ATP8A2: variants seen among roughly 807,000 people sequenced by gnomAD.
ATP8A2 encodes the protein ATPase phospholipid transporting 8A2, also known as phospholipid-transporting ATPase IB.
Under a neutral mutation model 165.6 loss-of-function variants are expected in ATP8A2, and 100 were observed. The observed-to-expected ratio is 0.60, with a 90% CI of 0.51 to 0.71. The LOEUF (loss-of-function observed/expected upper bound fraction) is 0.71. Among genes scored for constraint, ATP8A2 ranks in the 30% least tolerant of loss-of-function variants. The pLI is 0.00. For missense variants in ATP8A2, 1,227 were observed against 1,479.5 expected (o/e 0.83, Z 2.80); for synonymous variants, 543 against 548.8 (o/e 0.99, Z 0.15).
chr13:25,956,028 T>C (rs1955510773), intron 33 of ATP8A2, among the ~76,000 whole-genome samples: 1 of 152,148 alleles, frequency 6.6e-6, no homozygotes, highest in African/African-American at 2.4e-5. Flanking sequence ...AAAAACTACA[T>C]GAGTATCTCA....
At position 25,828,151 on chromosome 13, in the gene ATP8A2, C is replaced by A. The variant is rs1178411684; in HGVS notation, c.2713C>A (p.Gln905Lys). ...WFAFVNGFSG[Q>K]ILFERWCIGL... The stretch of plus-strand genomic sequence containing the variant: ...CGCCTTTGTTAATGGATTTTCTGGG[C>A]AGATTTTATTTGAACGTTGGTGCAT... Residue 905 changes from glutamine (Q) to lysine (K), a missense_variant, in exon 28 of 37, where the codon CAG (glutamine) becomes AAG (lysine). By Grantham distance (53) the Gln-to-Lys change is moderately conservative (BLOSUM62 1). Coordinates refer to ENST00000381655, the MANE Select transcript of ATP8A2 (RefSeq NM_016529.6). The A allele has an allele frequency of 1.2e-6, 2 of 1,613,974 alleles. No homozygotes were observed. The highest frequency in any genetic ancestry group is 1.7e-5 in the Admixed American group (1 of 60,000).
At chr13:25,499,276 G>T (rs2036775656) in intron 2 of ATP8A2, among the ~76,000 whole-genome samples, 1 of 152,196 alleles carries the variant, frequency 6.6e-6, no homozygotes. Context: ...AGAGGGAGAT[G>T]AGTCTTGAGT....
At chr13:26,012,429 G>T in intron 35 of ATP8A2, 102 bp from the exon 36 acceptor site, 1 of 898,502 alleles carries the variant, frequency 1.1e-6, no homozygotes, top group Non-Finnish European at 1.7e-6. Context: ...TACCCGACGT[G>T]GGGAGGTGAT....
At chr13:25,837,421 C>G in intron 29 of ATP8A2, 136 bp downstream of exon 29, 1 of 595,924 alleles carries the variant, frequency 1.7e-6, no homozygotes, top group Middle Eastern at 4.3e-4. Context: ...CTCACCCCAC[C>G]ACCACACACA....
chr13:26,013,158 A>T (rs1275496887), intron 36 of ATP8A2, among the ~76,000 whole-genome samples: 1 of 149,796 alleles, frequency 6.7e-6, no homozygotes, highest in Admixed American at 6.7e-5. Flanking sequence ...GGGGGAGCTC[A>T]TGGGCTTGTT....
chr13:25,524,055 T>TA (rs763822197), intron 2 of ATP8A2, among the ~76,000 whole-genome samples: 84 of 152,310 alleles, frequency 5.5e-4, no homozygotes, highest in Admixed American at 3.1e-3. Context: ...TGGTATGTTA[T>TA]ATTTCCATAT....
intron 5 of ATP8A2, among the ~76,000 whole-genome samples, chr13:25,532,980 A>G (rs1445593960): frequency 6.6e-6 from 1 of 152,074 alleles, no homozygotes; most frequent in Non-Finnish European, 1.5e-5. Context: ...AGTTTTTTTT[A>G]AATTGTGGAA....
Position 25,380,451 on chromosome 13 carries a change from C to T in ATP8A2, c.76+8163C>T, listed in dbSNP as rs150680548. On this transcript the variant is annotated intron_variant, in intron 1 of 36. Coordinates refer to ENST00000381655, the MANE Select transcript of ATP8A2 (RefSeq NM_016529.6). Reference sequence around the variant, plus strand: ...GAGTCATGGTTGAGCTGGGCTGTAACGGCAAAATGTGCACTGGATTTCTGA... The same window carrying T: ...GAGTCATGGTTGAGCTGGGCTGTAATGGCAAAATGTGCACTGGATTTCTGA... Among the ~76,000 whole-genome samples, 510 of 152,034 alleles carry T rather than the reference C, an allele frequency of 3.4e-3. 2 individuals are homozygous for T. The highest frequency in any genetic ancestry group is 0.012 in the African/African-American group (496 of 41,454).
intron 2 of ATP8A2, among the ~76,000 whole-genome samples, chr13:25,525,237 A>G (rs550911901): frequency 1.3e-5 from 2 of 152,092 alleles, no homozygotes; most frequent in African/African-American, 4.8e-5. Context: ...CTCAATTTGG[A>G]TATATTTATA....
intron 30 of ATP8A2, among the ~76,000 whole-genome samples, chr13:25,858,631 T>C (rs921717125): frequency 2.0e-4 from 31 of 152,174 alleles, no homozygotes; most frequent in African/African-American, 7.5e-4. Context: ...ATATTGATTC[T>C]CTAATAAGAG....
chr13:25,639,948 C>T (rs143410103), intron 24 of ATP8A2, among the ~76,000 whole-genome samples: 5,269 of 152,294 alleles, frequency 0.035, 157 homozygotes, highest in East Asian at 0.13. Context: ...GATTAAGAAA[C>T]TCATTCAAAA....
chr13:25,512,975 C>A, intron 2 of ATP8A2, among the ~76,000 whole-genome samples: 1 of 136,074 alleles, frequency 7.3e-6, no homozygotes, highest in Non-Finnish European at 1.7e-5. Flanking sequence ...CCCCCCACCT[C>A]CCTCCCGGAC....
chr13:25,647,754 C>A (rs548885728), intron 24 of ATP8A2, among the ~76,000 whole-genome samples: 4 of 151,486 alleles, frequency 2.6e-5, no homozygotes. Flanking sequence ...GGCGTGGTCT[C>A]GGCTCACTGC....
chr13:25,850,447 T>C (rs1365180244), intron 30 of ATP8A2, among the ~76,000 whole-genome samples: 2 of 140,982 alleles, frequency 1.4e-5, no homozygotes, highest in Admixed American at 1.5e-4. Context: ...TCTTTTTGCC[T>C]GAAATGTTCT....
At chr13:25,560,560 T>C (rs567770347) in intron 15 of ATP8A2, among the ~76,000 whole-genome samples, 60 of 151,086 alleles carry the variant, frequency 4.0e-4, no homozygotes, top group Admixed American at 3.3e-3. Context: ...ATTAGCTGGA[T>C]GTGGTGGCGG....
At chr13:25,737,941 C>T (rs1009300554) in intron 25 of ATP8A2, among the ~76,000 whole-genome samples, 42 of 152,314 alleles carry the variant, frequency 2.8e-4, no homozygotes, top group Admixed American at 2.0e-3. Flanking sequence ...CTCTCGGCCT[C>T]CCAAAGTGCT....
Position 25,769,118 on chromosome 13 carries a change from C to T in ATP8A2, c.2457C>T (p.Ile819=), listed in dbSNP as rs760459029. The T allele has an allele frequency of 3.2e-5, 51 of 1,614,024 alleles. No homozygotes were observed. Among genetic ancestry groups the T allele is most frequent in the African/African-American group, 5.3e-5 (4 of 74,916 alleles). Residue 819 remains isoleucine, a synonymous_variant, in exon 26 of 37, where the codon ATC becomes ATT. Coordinates refer to ENST00000381655, the MANE Select transcript of ATP8A2 (RefSeq NM_016529.6). ...GGGTGAAGGCCATCACCCTCGCCAT[C>T]GGAGACGGCGCCAACGATGTCGGGA... ...KKRVKAITLA[I]GDGANDVGMI...
intron 35 of ATP8A2, among the ~76,000 whole-genome samples, chr13:25,986,616 C>A (rs1185045082): frequency 9.2e-5 from 14 of 152,134 alleles, no homozygotes; most frequent in Admixed American, 9.2e-4. Flanking sequence ...TTGATGGACA[C>A]GTAGGTTGAT....
intron 27 of ATP8A2, among the ~76,000 whole-genome samples, chr13:25,776,703 A>G (rs150629652): frequency 1.3e-3 from 200 of 152,274 alleles, no homozygotes; most frequent in African/African-American, 4.7e-3. Context: ...ACGATAGTGT[A>G]AAGAGGTATC....
Sources: allele counts gnomAD v4.1 joint callset (sites outside exome capture counted in the v4.1 genomes callset), GRCh38; gene constraint gnomAD v4.1.1; transcripts MANE v1.5; gene names NCBI Gene and HGNC (gene_info 2026-07-23, HGNC 2026-07-21).